CHN2: variants seen among roughly 807,000 people sequenced by gnomAD.
CHN2 encodes the protein chimerin 2.
CHN2 carries 35 observed loss-of-function variants against 56.3 expected under a neutral mutation model. The observed-to-expected ratio is 0.62, with a 90% CI of 0.47 to 0.82. The LOEUF (loss-of-function observed/expected upper bound fraction) is 0.82. Ranked by LOEUF, CHN2 falls within the 40% of genes least tolerant of loss-of-function variation. The pLI is 0.00. For missense variants in CHN2, 491 were observed against 580.5 expected, an observed-to-expected ratio of 0.85 and a Z score of 1.58; for synonymous variants, 210 against 212.8, an observed-to-expected ratio of 0.99 and a Z score of 0.12.
At chr7:29,346,474 A>G (rs1797448632) in intron 1 of CHN2, among the ~76,000 whole-genome samples, 1 of 152,222 alleles carries the variant, frequency 6.6e-6, no homozygotes, top group African/African-American at 2.4e-5. Context: ...GAAGAAGCCT[A>G]CTGCAGCCCA....
At chr7:29,264,403 C>G (rs1025714650) in intron 1 of CHN2, among the ~76,000 whole-genome samples, 3 of 152,200 alleles carry the variant, frequency 2.0e-5, no homozygotes, top group Non-Finnish European at 2.9e-5. Context: ...AAAGAGAGAT[C>G]AGATTGTTAT....
chr7:29,260,950 T>G lies in CHN2; in HGVS notation c.49+65960T>G, dbSNP rs537268060. 5.1e-4 allele frequency among the ~76,000 whole-genome samples: 78 copies of G among 152,330 alleles called. 1 individual carries two copies. In the South Asian group the frequency reaches 0.011, roughly 21 times the overall value. On this transcript the variant is annotated intron_variant, in intron 1 of 12. Coordinates refer to ENST00000222792, the MANE Select transcript of CHN2 (RefSeq NM_004067.4). ...TAAGCCACTTTGCAATTGTATTGTA[T>G]TTTCTTTCTAATATACTTTGACCCT...
At chr7:29,224,546 A>T (rs1202934235) in intron 1 of CHN2, among the ~76,000 whole-genome samples, 3 of 152,216 alleles carry the variant, frequency 2.0e-5, no homozygotes, top group Non-Finnish European at 4.4e-5. Flanking sequence ...GCCATTACTA[A>T]CTGTGTGACC....
rs530229953 is a variant in CHN2, at chr7:29,418,317, G to A, written c.576+17489G>A. 3.9e-5 allele frequency among the ~76,000 whole-genome samples: 6 copies of A among 152,376 alleles called. No homozygotes were observed. In the South Asian group the frequency reaches 8.3e-4, roughly 21 times the overall value. ...AACAGAAGCTGCGGAAACTTCTCGC[G>A]GAAGCGCGGGGAGGAGGCATGATGC... is the stretch of plus-strand genomic sequence containing the variant. On this transcript the variant is annotated intron_variant, in intron 6 of 12. Coordinates refer to ENST00000222792, the MANE Select transcript of CHN2 (RefSeq NM_004067.4).
chr7:29,195,067 C>T (rs1281038028), intron 1 of CHN2, 77 bp downstream of exon 1: 50 of 1,454,198 alleles, frequency 3.4e-5, no homozygotes, highest in Non-Finnish European at 4.7e-5. Context: ...CTGGGATGGA[C>T]AGAGCCTACC....
At chr7:29,246,046 A>G (rs912923907) in intron 1 of CHN2, among the ~76,000 whole-genome samples, 48 of 152,122 alleles carry the variant, frequency 3.2e-4, no homozygotes, top group African/African-American at 1.0e-3. Flanking sequence ...TGACGAGGGA[A>G]TTTTGTTTCA....
At position 29,318,648 on chromosome 7, in the gene CHN2, G is replaced by C. The variant is rs187074766; in HGVS notation, c.50-35977G>C. Among the ~76,000 whole-genome samples, 359 of 152,214 alleles carry C rather than the reference G, an allele frequency of 2.4e-3. 3 individuals carry two copies. Among genetic ancestry groups the C allele is most frequent in the Non-Finnish European group, 4.0e-3 (275 of 68,016 alleles). Reference sequence around the variant, plus strand: ...CATTTTTTTCCTGGTAACTTTTGCTGCAGTTATTTGATTTTTTTTTTACCT... The same window carrying C: ...CATTTTTTTCCTGGTAACTTTTGCTCCAGTTATTTGATTTTTTTTTTACCT... On this transcript the variant is annotated intron_variant, in intron 1 of 12. Transcript: ENST00000222792.
chr7:29,449,189 G>C (rs1024078633), intron 6 of CHN2, among the ~76,000 whole-genome samples: 5 of 152,094 alleles, frequency 3.3e-5, no homozygotes, highest in Non-Finnish European at 1.5e-5. Context: ...GGAAAAAGCA[G>C]AACAACTTAG....
At chr7:29,169,934 T>G (rs902518331) in intron 2 of CHN2, among the ~76,000 whole-genome samples, 18 of 151,842 alleles carry the variant, frequency 1.2e-4, no homozygotes, top group Non-Finnish European at 2.4e-4. Flanking sequence ...TGGGGTGCAG[T>G]GGCGCCATCA....
intron 6 of CHN2, among the ~76,000 whole-genome samples, chr7:29,449,595 C>T (rs938032231): frequency 6.6e-6 from 1 of 152,152 alleles, no homozygotes; most frequent in African/African-American, 2.4e-5. Context: ...AGTTGCTGAT[C>T]CTTGAGCTAG....
At chr7:29,356,722 G>A (rs1798341620) in intron 2 of CHN2, among the ~76,000 whole-genome samples, 1 of 152,164 alleles carries the variant, frequency 6.6e-6, no homozygotes, top group Non-Finnish European at 1.5e-5. Context: ...GCTGTGCTGG[G>A]TCTCTAAGGG....
At chr7:29,373,543 AT>A (rs1439033154) in intron 3 of CHN2, among the ~76,000 whole-genome samples, 7 of 152,122 alleles carry the variant, frequency 4.6e-5, no homozygotes, top group Non-Finnish European at 1.0e-4. Context: ...AATTGTATTC[AT>A]TTTTTAAACA....
At chr7:29,218,042 C>G (rs1785469791) in intron 1 of CHN2, among the ~76,000 whole-genome samples, 3 of 151,928 alleles carry the variant, frequency 2.0e-5, no homozygotes, top group Admixed American at 2.0e-4. Context: ...TAGTTTTAGC[C>G]TGTAGTTTTA....
chr7:29,335,992 T>TCCC, intron 1 of CHN2: 1 of 152,220 alleles, frequency 6.6e-6, no homozygotes, highest in Non-Finnish European at 1.5e-5. Context: ...TCCAGTGGGG[T>TCCC]AGCTTTGCAG....
At chr7:29,169,716 C>T (rs543639799) in intron 2 of CHN2, among the ~76,000 whole-genome samples, 1 of 152,080 alleles carries the variant, frequency 6.6e-6, no homozygotes, top group East Asian at 1.9e-4. Context: ...CACATTTGAT[C>T]CAGAAAAGCT....
rs190033670 is a variant in CHN2, at chr7:29,312,417, G to A, written c.50-42208G>A. Among the ~76,000 whole-genome samples, 14 of 152,226 alleles carry A rather than the reference G, an allele frequency of 9.2e-5. No individual in the cohort carries two copies. The East Asian group carries it at 2.5e-3, about 27-fold the overall frequency. On this transcript the variant is annotated intron_variant, in intron 1 of 12. Coordinates refer to ENST00000222792, the MANE Select transcript of CHN2 (RefSeq NM_004067.4). ...ACAATGTGATTTTCTCTTTCAAACTGTAGGTAAAATGGAGAGGAATTAATC... is the reference window on the plus strand; with the variant it reads ...ACAATGTGATTTTCTCTTTCAAACTATAGGTAAAATGGAGAGGAATTAATC...
chr7:29,462,283 C>T (rs778907141), intron 6 of CHN2, among the ~76,000 whole-genome samples: 3 of 152,184 alleles, frequency 2.0e-5, no homozygotes, highest in Admixed American at 6.5e-5. Context: ...GACCATATCA[C>T]CAAAACCTGC....
intron 3 of CHN2, among the ~76,000 whole-genome samples, chr7:29,392,611 C>A (rs1304030189): frequency 6.6e-6 from 1 of 152,140 alleles, no homozygotes; most frequent in Non-Finnish European, 1.5e-5. Flanking sequence ...GTCCCCAAAG[C>A]CCCAGCTCCG....
At chr7:29,495,914 C>CT in intron 7 of CHN2, 38 bp from the exon 8 acceptor site, 1 of 1,582,308 alleles carries the variant, frequency 6.3e-7, no homozygotes, top group Non-Finnish European at 8.7e-7. Context: ...TTAAATGACT[C>CT]TGAGCTTTCT....
Sources: allele counts gnomAD v4.1 joint callset (sites outside exome capture counted in the v4.1 genomes callset), GRCh38; gene constraint gnomAD v4.1.1; transcripts MANE v1.5; gene names NCBI Gene and HGNC (gene_info 2026-07-23, HGNC 2026-07-21).